PRUNE2: variants seen among roughly 807,000 people sequenced by gnomAD.
PRUNE2 encodes the protein protein prune homolog 2.
PRUNE2 carries 164 observed loss-of-function variants against 252.0 expected under a neutral mutation model. The observed-to-expected ratio is 0.65, with a 90% CI of 0.57 to 0.74. The LOEUF is 0.74. PRUNE2 is among the 30% of genes least tolerant of loss of function. The pLI is 0.00. For synonymous variants in PRUNE2, 1,292 were observed against 1,350.2 expected, an observed-to-expected ratio of 0.96 and a Z score of 0.94; for missense variants, 3,495 against 3,711.0, an observed-to-expected ratio of 0.94 and a Z score of 1.51.
chr9:76,855,251 T>C (rs1440653646), intron 1 of PRUNE2, among the ~76,000 whole-genome samples: 1 of 151,838 alleles, frequency 6.6e-6, no homozygotes, highest in African/African-American at 2.4e-5. Flanking sequence ...AACTATCCAA[T>C]ACAGATAATT....
chr9:76,805,558 G>A (rs1232645813), intron 6 of PRUNE2, among the ~76,000 whole-genome samples: 1 of 152,164 alleles, frequency 6.6e-6, no homozygotes, highest in East Asian at 1.9e-4. Flanking sequence ...TAGTATCACT[G>A]CACTGGAGCC....
intron 6 of PRUNE2, chr9:76,778,856 T>C (rs1176984319): frequency 6.6e-6 from 1 of 152,216 alleles, no homozygotes; most frequent in East Asian, 1.9e-4. Flanking sequence ...TTCAATCTCA[T>C]AGTTTTGTCA....
In PRUNE2 at chr9:76,711,096, A is replaced by G. The variant is rs1463282274; in HGVS notation, c.1178T>C (p.Ile393Thr). Reference protein sequence around the residue: ...SGIMELYGSDIEPQPSSVNFI... With the variant: ...SGIMELYGSDTEPQPSSVNFI... ...ATTCACAGAGCTGGGTTGTGGCTCT[A>G]TGTCAGAACCATACAATTCCATAAT... Residue 393 changes from isoleucine to threonine, a missense_variant, in exon 8 of 19, where the codon ATA (isoleucine) becomes ACA (threonine). Coordinates refer to ENST00000376718, the MANE Select transcript of PRUNE2 (RefSeq NM_015225.3). 3 of 1,613,954 alleles carry G rather than the reference A, an allele frequency of 1.9e-6. No homozygotes were observed. Among genetic ancestry groups the G allele is most frequent in the Non-Finnish European group, 2.5e-6 (3 of 1,179,844 alleles).
intron 6 of PRUNE2, among the ~76,000 whole-genome samples, chr9:76,777,497 T>G (rs1182672317): frequency 6.6e-6 from 1 of 152,174 alleles, no homozygotes; most frequent in Non-Finnish European, 1.5e-5. Context: ...GAAATGAATT[T>G]CAGGGGCAAG....
chr9:76,651,567 C>A (rs998112753), intron 11 of PRUNE2, among the ~76,000 whole-genome samples: 17 of 152,084 alleles, frequency 1.1e-4, no homozygotes, highest in Admixed American at 1.0e-3. Context: ...TCAGAGAATT[C>A]CACCCTGGCT....
At chr9:76,637,353 A>G in intron 14 of PRUNE2, 65 bp downstream of exon 14, 1 of 1,472,418 alleles carries the variant, frequency 6.8e-7, no homozygotes, top group South Asian at 1.2e-5. Flanking sequence ...ACAGTATACC[A>G]TGTGGTTGTT....
At chr9:76,866,765 A>C (rs1381480288) in intron 1 of PRUNE2, among the ~76,000 whole-genome samples, 3 of 152,044 alleles carry the variant, frequency 2.0e-5, no homozygotes, top group Non-Finnish European at 4.4e-5. Flanking sequence ...GAGGAAGGGA[A>C]AGAAAAGAGA....
At chr9:76,660,873 C>T (rs1851141929) in intron 9 of PRUNE2, among the ~76,000 whole-genome samples, 1 of 151,142 alleles carries the variant, frequency 6.6e-6, no homozygotes, top group South Asian at 2.1e-4. Flanking sequence ...CACTGGAAAT[C>T]CAATTAGGTG....
Position 76,695,329 on chromosome 9 carries a change from C to T in PRUNE2, c.8276+8008G>A, listed in dbSNP as rs182810141. Among the ~76,000 whole-genome samples the T allele has an allele frequency of 1.8e-3, 281 of 152,286 alleles. 1 individual carries two copies. The highest frequency in any genetic ancestry group is 0.016 in the Admixed American group (237 of 15,290). ...CTGGGATTACAGGCATAAGCCAGCG[C>T]GCCCAGCCAGGAGAAGTTATTTCAA... On this transcript the variant is annotated intron_variant, in intron 9 of 18. Transcript: ENST00000376718.
intron 18 of PRUNE2, chr9:76,615,301 C>T (rs1220350169): frequency 7.7e-6 from 7 of 909,938 alleles, no homozygotes; most frequent in African/African-American, 3.6e-5. Context: ...ATTTCAGTTG[C>T]GATAAAAGAG....
intron 4 of PRUNE2, among the ~76,000 whole-genome samples, chr9:76,831,864 C>T (rs2058692044): frequency 6.6e-6 from 1 of 152,054 alleles, no homozygotes; most frequent in Middle Eastern, 3.2e-3. Context: ...CAATATACTG[C>T]TTACCAGAGC....
At position 76,704,972 on chromosome 9, in the gene PRUNE2, A is replaced by C. The variant is rs765191813; in HGVS notation, c.7302T>G (p.Leu2434=). The C allele has an allele frequency of 2.5e-6, 4 of 1,613,504 alleles. No individual in the cohort carries two copies. Among genetic ancestry groups the C allele is most frequent in the Non-Finnish European group, 3.4e-6 (4 of 1,179,648 alleles). Residue 2434 remains leucine, a synonymous_variant, in exon 8 of 19, where the codon CTT becomes CTG. Transcript: ENST00000376718. ...CRAAEIVLSA[L]PDRRSEGNQA... ...GGTTTCCCTCACTTCTTCGATCAGG[A>C]AGTGCAGAAAGCACTATCTCTGCTG...
intron 4 of PRUNE2, among the ~76,000 whole-genome samples, chr9:76,834,299 T>C (rs2058836364): frequency 1.3e-5 from 2 of 152,178 alleles, no homozygotes; most frequent in Admixed American, 1.3e-4. Context: ...GAATAAACAC[T>C]GTCTTTCCTC....
chr9:76,652,781 T>C (rs1363941525), intron 10 of PRUNE2, 98 bp from the exon 11 acceptor site: 1 of 813,168 alleles, frequency 1.2e-6, no homozygotes, highest in Admixed American at 2.0e-5. Context: ...TCTGAAACTT[T>C]TTGAGTGCCA....
At chr9:76,796,330 T>A (rs1170635314) in intron 6 of PRUNE2, among the ~76,000 whole-genome samples, 2 of 152,080 alleles carry the variant, frequency 1.3e-5, no homozygotes, top group Non-Finnish European at 2.9e-5. Flanking sequence ...CTCGCTACGA[T>A]CATTACCCCA....
Position 76,693,439 on chromosome 9 carries a change from C to CTT in PRUNE2, c.8276+9896_8276+9897dup, listed in dbSNP as rs550030416. ...TGCTTAAGAGATGTTAGCACCTACT[C>CTT]TTTTTTTTTTTTTTTTTTTTTGGAG... On this transcript the variant is annotated intron_variant, in intron 9 of 18. Coordinates refer to ENST00000376718, the MANE Select transcript of PRUNE2 (RefSeq NM_015225.3). Among the ~76,000 whole-genome samples, 279 of 108,006 alleles carry CTT rather than the reference C, an allele frequency of 2.6e-3. 6 individuals carry two copies. Among genetic ancestry groups the CTT allele is most frequent in the African/African-American group, 9.5e-3 (256 of 27,028 alleles). The allele number at this position is 108,006 out of a possible 152,430, so 70.9% of individuals were successfully genotyped here. A position where few individuals can be genotyped will look rare whatever the true frequency, so the allele number is the denominator to read the frequency against.
chr9:76,808,652 C>T (rs1490869800), intron 6 of PRUNE2: 2 of 152,334 alleles, frequency 1.3e-5, no homozygotes, highest in African/African-American at 2.4e-5. Flanking sequence ...CTGGCTTACT[C>T]TGGATCAAGA....
intron 6 of PRUNE2, among the ~76,000 whole-genome samples, chr9:76,756,340 G>C (rs895505433): frequency 6.6e-6 from 1 of 152,098 alleles, no homozygotes; most frequent in African/African-American, 2.4e-5. Context: ...GATCACTTAC[G>C]GCACCCAGGA....
chr9:76,796,108 T>C (rs1438145105), intron 6 of PRUNE2, among the ~76,000 whole-genome samples: 1 of 152,236 alleles, frequency 6.6e-6, no homozygotes, highest in Non-Finnish European at 1.5e-5. Context: ...AAAATGCTTT[T>C]CTTTACAAAA....
Sources: gnomAD v4.1 joint callset for allele counts (sites outside exome capture counted in the v4.1 genomes callset) on GRCh38, gnomAD v4.1.1 for gene constraint, MANE v1.5 for transcripts, NCBI Gene and HGNC (gene_info 2026-07-23, HGNC 2026-07-21) for gene names.